CNTNAP4: variants seen among roughly 807,000 people sequenced by gnomAD.
The protein encoded by CNTNAP4 is contactin-associated protein-like 4.
A neutral mutation model predicts 148.4 loss-of-function variants in CNTNAP4; 98 were observed. The observed-to-expected ratio is 0.66, with a 90% CI of 0.56 to 0.78. The LOEUF is 0.78. CNTNAP4 is among the 30% of genes least tolerant of loss of function. CNTNAP4 has a pLI of 0.00. For missense variants in CNTNAP4, 1,935 were observed against 1,565.6 expected (o/e 1.24, Z -3.98); for synonymous variants, 730 against 565.1 (o/e 1.29, Z -4.14).
At chr16:76,353,138 A>C (rs898475576) in intron 2 of CNTNAP4, among the ~76,000 whole-genome samples, 1 of 152,196 alleles carries the variant, frequency 6.6e-6, no homozygotes, top group African/African-American at 2.4e-5. Context: ...GCATGTAAAA[A>C]ATTTCTGGAT....
At chr16:76,324,879 C>G (rs1324039880) in intron 2 of CNTNAP4, among the ~76,000 whole-genome samples, 2 of 152,170 alleles carry the variant, frequency 1.3e-5, no homozygotes, top group Admixed American at 6.5e-5. Flanking sequence ...CTAATTACCT[C>G]CCAAAGGCCC....
chr16:76,386,383 T>C (rs2016516448), intron 3 of CNTNAP4, among the ~76,000 whole-genome samples: 1 of 152,174 alleles, frequency 6.6e-6, no homozygotes, highest in Non-Finnish European at 1.5e-5. Flanking sequence ...TACACATTTT[T>C]TAAAAAAATT....
intron 1 of CNTNAP4, among the ~76,000 whole-genome samples, chr16:76,291,098 A>G (rs1695742821): frequency 6.6e-6 from 1 of 152,176 alleles, no homozygotes; most frequent in Admixed American, 6.5e-5. Flanking sequence ...GAATAAAGTC[A>G]CATTGGGGAT....
chr16:76,322,996 A>G (rs953748455), intron 2 of CNTNAP4, among the ~76,000 whole-genome samples: 2 of 151,730 alleles, frequency 1.3e-5, no homozygotes, highest in Admixed American at 6.6e-5. Context: ...CACCACACCC[A>G]CCTAATTTTT....
chr16:76,548,093 T>G (rs1319679735), intron 21 of CNTNAP4, among the ~76,000 whole-genome samples: 3 of 152,198 alleles, frequency 2.0e-5, no homozygotes, highest in African/African-American at 7.2e-5. Flanking sequence ...GCTTTCAAGT[T>G]TATAACTCAG....
chr16:76,387,586 G>A (rs2016618137), intron 3 of CNTNAP4, among the ~76,000 whole-genome samples: 1 of 152,050 alleles, frequency 6.6e-6, no homozygotes, highest in Non-Finnish European at 1.5e-5. Flanking sequence ...GATAAAATAT[G>A]GTAAGATCAA....
chr16:76,422,012 A>G (rs1465868296), intron 3 of CNTNAP4, among the ~76,000 whole-genome samples: 1 of 152,190 alleles, frequency 6.6e-6, no homozygotes, highest in African/African-American at 2.4e-5. Flanking sequence ...TGAGTTGCTC[A>G]ATTAATATTT....
intron 3 of CNTNAP4, among the ~76,000 whole-genome samples, chr16:76,411,638 A>G (rs995773835): frequency 4.0e-5 from 6 of 151,496 alleles, no homozygotes; most frequent in African/African-American, 1.4e-4. Flanking sequence ...AAAAAGCACA[A>G]AAGTGAAAAA....
intron 3 of CNTNAP4, among the ~76,000 whole-genome samples, chr16:76,418,762 T>C (rs1456974360): frequency 6.6e-6 from 1 of 151,638 alleles, no homozygotes; most frequent in Non-Finnish European, 1.5e-5. Context: ...CCATTCCTTG[T>C]AATATTTTGT....
chr16:76,446,677 C>A (rs1388134107), intron 4 of CNTNAP4, among the ~76,000 whole-genome samples: 1 of 152,132 alleles, frequency 6.6e-6, no homozygotes, highest in Non-Finnish European at 1.5e-5. Flanking sequence ...CCAACAATGT[C>A]CTTGAGAAGA....
intron 17 of CNTNAP4, among the ~76,000 whole-genome samples, chr16:76,534,437 G>T (rs1391152290): frequency 3.9e-5 from 6 of 152,110 alleles, no homozygotes. Context: ...TCCAAAGATG[G>T]AGCTTCTTTT....
intron 8 of CNTNAP4, 148 bp from the exon 9 acceptor site, chr16:76,461,808 C>A: frequency 1.7e-6 from 1 of 584,288 alleles, no homozygotes; most frequent in Non-Finnish European, 2.8e-6. Flanking sequence ...TCCAATTTGT[C>A]TCCCTTTCCT....
At position 76,553,493 on chromosome 16, in the gene CNTNAP4, C is replaced by T. The variant is rs778044346; in HGVS notation, c.3653C>T (p.Ser1218Leu). ...TDATSRERTH[S>L]FADHSGTIDD... ...GCCACATCAAGGGAAAGGACACACT[C>T]GTTTGCAGGTGACTTAGAGTTCTTC... Residue 1218 changes from serine to leucine, a missense_variant, in exon 22 of 24, where the codon TCG becomes TTG. Transcript: ENST00000611870. 12 of 1,607,866 alleles carry T rather than the reference C, an allele frequency of 7.5e-6. No homozygotes were observed. Among genetic ancestry groups the T allele is most frequent in the South Asian group, 6.7e-5 (6 of 90,028 alleles).
At chr16:76,304,932 T>C (rs1960330490) in intron 1 of CNTNAP4, among the ~76,000 whole-genome samples, 2 of 152,204 alleles carry the variant, frequency 1.3e-5, no homozygotes, top group Admixed American at 1.3e-4. Context: ...AAATTGTACA[T>C]CAGTAGTCTG....
chr16:76,493,877 A>G (rs2082312304), intron 13 of CNTNAP4, among the ~76,000 whole-genome samples: 1 of 152,212 alleles, frequency 6.6e-6, no homozygotes, highest in African/African-American at 2.4e-5. Flanking sequence ...GGGCTATCTA[A>G]TAGTAAGTTA....
At chr16:76,458,191 C>G (rs1420020567) in intron 8 of CNTNAP4, among the ~76,000 whole-genome samples, 1 of 152,044 alleles carries the variant, frequency 6.6e-6, no homozygotes, top group African/African-American at 2.4e-5. Context: ...TTTATCCAAC[C>G]CATCATTGAT....
intron 10 of CNTNAP4, among the ~76,000 whole-genome samples, chr16:76,470,353 A>G (rs7186953): frequency 0.056 from 8,398 of 150,942 alleles, 640 homozygotes; most frequent in African/African-American, 0.18. Flanking sequence ...ACAAGCATTA[A>G]CAGCCAGCCA....
chr16:76,462,025 C>A lies in CNTNAP4; in HGVS notation c.1403C>A (p.Ala468Glu). 1 of 1,613,622 alleles carries A rather than the reference C, an allele frequency of 6.2e-7. No individual in the cohort carries two copies. Among genetic ancestry groups the A allele is most frequent in the Non-Finnish European group, 8.5e-7 (1 of 1,179,646 alleles). ...LSAKKNHLSVAVDGQMASAAP... is the reference protein window; with the variant it reads ...LSAKKNHLSVEVDGQMASAAP... Reference sequence around the variant, plus strand: ...GCTAAAAAGAATCACTTGAGTGTGGCGGTGGACGGCCAGATGGCTTCTGCT... The same window carrying A: ...GCTAAAAAGAATCACTTGAGTGTGGAGGTGGACGGCCAGATGGCTTCTGCT... Residue 468 changes from alanine to glutamate, a missense_variant, in exon 9 of 24, where the codon GCG becomes GAG. Transcript: ENST00000611870.
chr16:76,346,186 C>T (rs1055430128), intron 2 of CNTNAP4, among the ~76,000 whole-genome samples: 6 of 152,104 alleles, frequency 3.9e-5, no homozygotes, highest in Admixed American at 1.3e-4. Flanking sequence ...TAATGCTATA[C>T]GAATGTGTTC....
Sources: gnomAD v4.1 joint callset for allele counts (sites outside exome capture counted in the v4.1 genomes callset) on GRCh38, gnomAD v4.1.1 for gene constraint, MANE v1.5 for transcripts, NCBI Gene and HGNC (gene_info 2026-07-23, HGNC 2026-07-21) for gene names.